Variants in PDZD9 observed in about 807,000 individuals in gnomAD.
PDZD9 encodes the protein PDZ domain-containing protein 9.
PDZD9 carries 13 observed loss-of-function variants against 16.3 expected under a neutral mutation model. The observed-to-expected ratio is 0.80, with a 90% CI of 0.52 to 1.27. PDZD9 has a LOEUF of 1.27. Among genes scored for constraint, PDZD9 ranks in the 50% most tolerant of loss-of-function variants. The pLI, the probability that PDZD9 is intolerant of heterozygous loss-of-function variation, is 0.00. For missense variants in PDZD9, 288 were observed against 310.9 expected, an observed-to-expected ratio of 0.93 and a Z score of 0.55; for synonymous variants, 120 against 111.0, an observed-to-expected ratio of 1.08 and a Z score of -0.51.
At chr16:21,981,088 A>G (rs1334955570), downstream of PDZD9, among the ~76,000 whole-genome samples, 1 of 152,220 alleles carries the variant, frequency 6.6e-6, no homozygotes, top group Non-Finnish European at 1.5e-5. Context: ...TAGCAGTTTC[A>G]TATGATCCAA....
At chr16:21,980,257 C>A, downstream of PDZD9, 1 of 311,394 alleles carries the variant, frequency 3.2e-6, no homozygotes, top group Non-Finnish European at 6.1e-6. Context: ...AGCTCTCCAG[C>A]TGTCTCACTC....
chr16:21,984,564 T>C lies in PDZD9; in HGVS notation c.498A>G (p.Arg166=). Residue 166 remains arginine, a synonymous_variant, in exon 4 of 4, where the codon AGA becomes AGG. Transcript: ENST00000424898. ...VDLDKRLQYY[R]YPWSTVHHPA... is the part of the protein sequence containing the mutation. ...GGTGATGCACAGTTGACCACGGATA[T>C]CTATAATATTGAAGTCTTTTATCTA... 2 of 1,582,772 alleles carry C rather than the reference T, an allele frequency of 1.3e-6. No homozygotes were observed. The highest frequency in any genetic ancestry group is 1.7e-6 in the Non-Finnish European group (2 of 1,158,390).
At chr16:21,971,652 T>C in the PDZD9 span, 3 of 1,601,722 alleles carry the variant, frequency 1.9e-6, no homozygotes, top group Non-Finnish European at 2.6e-6. Context: ...GGTTAATTTA[T>C]CAGAAGGGCG....
the PDZD9 span, among the ~76,000 whole-genome samples, chr16:21,978,332 C>CTGTA: frequency 6.6e-6 from 1 of 152,154 alleles, no homozygotes; most frequent in African/African-American, 2.4e-5. Context: ...GGAAGTCTTT[C>CTGTA]TGTAGAGTGT....
At chr16:21,961,670 T>TATATATATATATATATA in the PDZD9 span, among the ~76,000 whole-genome samples, 4 of 48,740 alleles carry the variant, frequency 8.2e-5, no homozygotes, top group Admixed American at 2.5e-4. Context: ...ATATATATAT[T>TATATATATATATATATA]TTAGACAGTC....
the PDZD9 span, among the ~76,000 whole-genome samples, chr16:21,967,637 A>T: frequency 4.6e-5 from 7 of 152,172 alleles, no homozygotes; most frequent in Admixed American, 1.3e-4. Flanking sequence ...TCGGTTTTAA[A>T]TAAGGATTCT....
At chr16:21,985,598 C>T (rs781144459) in intron 3 of PDZD9, among the ~76,000 whole-genome samples, 1 of 152,334 alleles carries the variant, frequency 6.6e-6, no homozygotes, top group Non-Finnish European at 1.5e-5. Flanking sequence ...AGAATGAATG[C>T]TCTGTCACCT....
At chr16:21,988,003 CTTTTTTTTT>C (rs773101505) in intron 3 of PDZD9, among the ~76,000 whole-genome samples, 3 of 100,724 alleles carry the variant, frequency 3.0e-5, no homozygotes, top group Non-Finnish European at 5.6e-5. Flanking sequence ...GCAAGAAGCA[CTTTTTTTTT>C]TTTTTTTTTT....
chr16:21,972,583 A>G, the PDZD9 span, among the ~76,000 whole-genome samples: 1 of 152,182 alleles, frequency 6.6e-6, no homozygotes, highest in Non-Finnish European at 1.5e-5. Context: ...ATTTGAAAAG[A>G]AAAATGAGAG....
At chr16:21,981,195 A>T (rs909890916), downstream of PDZD9, among the ~76,000 whole-genome samples, 4 of 152,096 alleles carry the variant, frequency 2.6e-5, no homozygotes, top group African/African-American at 4.8e-5. Flanking sequence ...AGCCTAGGAC[A>T]TTCTCTTGTT....
chr16:21,975,451 CAG>C, the PDZD9 span, among the ~76,000 whole-genome samples: 4 of 152,104 alleles, frequency 2.6e-5, no homozygotes, highest in South Asian at 2.1e-4. Context: ...GAAGGGGAAA[CAG>C]AGGTCCTAGA....
the PDZD9 span, among the ~76,000 whole-genome samples, chr16:21,965,149 A>G: frequency 6.6e-6 from 1 of 152,254 alleles, no homozygotes; most frequent in East Asian, 1.9e-4. Context: ...CAGCTAGGTT[A>G]AAGTTAGAAA....
At chr16:21,973,383 A>T in the PDZD9 span, among the ~76,000 whole-genome samples, 1 of 152,196 alleles carries the variant, frequency 6.6e-6, no homozygotes, top group Non-Finnish European at 1.5e-5. Context: ...GCTCTGCTCA[A>T]ACTAGATAAC....
At chr16:21,957,566 GGTGA>G in the PDZD9 span, 2 of 1,613,812 alleles carry the variant, frequency 1.2e-6, no homozygotes, top group Non-Finnish European at 1.7e-6. Context: ...CATCCAGTCT[GGTGA>G]GTATCTTCAC....
the PDZD9 span, chr16:21,971,718 A>G: frequency 1.5e-6 from 2 of 1,374,960 alleles, no homozygotes; most frequent in African/African-American, 2.9e-5. Flanking sequence ...TTACTACTGA[A>G]CAGTCTCGGC....
Position 21,984,307 on chromosome 16 carries a change from A to G in PDZD9, c.755T>C (p.Val252Ala). The G allele has an allele frequency of 6.2e-7, 1 of 1,614,120 alleles. No homozygotes were observed. Among genetic ancestry groups the G allele is most frequent in the Non-Finnish European group, 8.5e-7 (1 of 1,179,978 alleles). The change falls in exon 4 of 4, where the codon GTT (valine) becomes GCT (alanine). Residue 252 changes from valine to alanine, a missense_variant. Transcript: ENST00000424898. ...DAFWLEDCAQVEEGKAQLVSK... is the reference protein window; with the variant it reads ...DAFWLEDCAQAEEGKAQLVSK... ...TACCAGTTGGGCTTTACCCTCTTCA[A>G]CTTGGGCACAATCTTCCAGCCAAAA... is the stretch of plus-strand genomic sequence containing the variant.
the PDZD9 span, among the ~76,000 whole-genome samples, chr16:21,978,477 T>A: frequency 3.3e-5 from 5 of 152,208 alleles, no homozygotes; most frequent in Non-Finnish European, 7.3e-5. Context: ...GTGCCCATAT[T>A]TAAGCTGCCG....
chr16:21,971,090 G>GAT, the PDZD9 span, among the ~76,000 whole-genome samples: 2 of 152,112 alleles, frequency 1.3e-5, 1 homozygote, highest in Middle Eastern at 6.8e-3. Flanking sequence ...GTTGTTTTAA[G>GAT]AGCTAACTAT....
the PDZD9 span, among the ~76,000 whole-genome samples, chr16:21,963,975 T>C: frequency 6.6e-6 from 1 of 152,238 alleles, no homozygotes; most frequent in African/African-American, 2.4e-5. Context: ...TTATATAATC[T>C]TGACAAGTAC....
Sources: gnomAD v4.1 joint callset for allele counts (sites outside exome capture counted in the v4.1 genomes callset) on GRCh38, gnomAD v4.1.1 for gene constraint, MANE v1.5 for transcripts, NCBI Gene and HGNC (gene_info 2026-07-23, HGNC 2026-07-21) for gene names.